Variants in ATF7IP observed in about 807,000 individuals in gnomAD.
ATF7IP encodes activating transcription factor 7-interacting protein 1.
Under a neutral mutation model 106.4 loss-of-function variants are expected in ATF7IP, and 23 were observed. The observed-to-expected ratio is 0.22, with a 90% CI of 0.16 to 0.31. The LOEUF (loss-of-function observed/expected upper bound fraction) is 0.31. Ranked by LOEUF, ATF7IP falls within the 10% of genes least tolerant of loss-of-function variation. The pLI, the probability that ATF7IP is intolerant of heterozygous loss-of-function variation, is 1.00. For missense variants in ATF7IP, 1,334 were observed against 1,524.3 expected, an observed-to-expected ratio of 0.88 and a Z score of 2.08; for synonymous variants, 542 against 539.0, an observed-to-expected ratio of 1.01 and a Z score of -0.08.
chr12:14,385,327 T>TA (rs1939169825), intron 1 of ATF7IP: 1 of 1,488,934 alleles, frequency 6.7e-7, no homozygotes, highest in Non-Finnish European at 9.0e-7. Flanking sequence ...AAATGGCTGC[T>TA]AACCTAGTCT....
chr12:14,384,004 A>G (rs1163233360), intron 1 of ATF7IP, among the ~76,000 whole-genome samples: 5 of 152,192 alleles, frequency 3.3e-5, no homozygotes, highest in Admixed American at 3.3e-4. Flanking sequence ...CCTCATGGAA[A>G]ATACATAAGG....
At chr12:14,490,931 T>C (rs1306426755) in intron 13 of ATF7IP, among the ~76,000 whole-genome samples, 1 of 152,134 alleles carries the variant, frequency 6.6e-6, no homozygotes, top group Non-Finnish European at 1.5e-5. Context: ...CATAGTCAAA[T>C]GTTCAGTTTC....
chr12:14,418,563 A>C (rs16909871), intron 1 of ATF7IP, among the ~76,000 whole-genome samples: 2,723 of 152,312 alleles, frequency 0.018, 46 homozygotes, highest in Middle Eastern at 0.065. Context: ...ACAGCCATGG[A>C]AACTTGTTTG....
chr12:14,396,205 G>A (rs1939830759), intron 1 of ATF7IP, among the ~76,000 whole-genome samples: 1 of 151,996 alleles, frequency 6.6e-6, no homozygotes, highest in African/African-American at 2.4e-5. Context: ...ACGTCAGGCA[G>A]CTCTCTGCTC....
intron 1 of ATF7IP, among the ~76,000 whole-genome samples, chr12:14,371,564 A>G (rs11055953): frequency 0.56 from 85,196 of 151,250 alleles, 24,361 homozygotes; most frequent in African/African-American, 0.66. Context: ...TTTGGTAGGG[A>G]AAAGAAATGA....
At chr12:14,414,932 GTTAT>G (rs1158257423) in intron 1 of ATF7IP, among the ~76,000 whole-genome samples, 15 of 152,082 alleles carry the variant, frequency 9.9e-5, no homozygotes, top group Non-Finnish European at 1.5e-4. Flanking sequence ...TCTACTGCTG[GTTAT>G]TTATTTATTT....
Position 14,500,637 on chromosome 12 carries a change from T to C in ATF7IP, c.*2564T>C, listed in dbSNP as rs1290949321. On this transcript the variant is annotated 3_prime_UTR_variant, in exon 15 of 15. Coordinates refer to ENST00000261168, the MANE Select transcript of ATF7IP (RefSeq NM_018179.5). ...AGGCCCATGTTCAAATTGTTCTTTA[T>C]TGGGTGTTTTTATGGTCACGTGGTA... 4.6e-5 allele frequency: 7 copies of C among 152,210 alleles called. No individual in the cohort carries two copies. 9.4% of individuals were successfully genotyped at this position (152,210 alleles called of 1,614,324 possible).
chr12:14,373,703 G>A (rs914726873), intron 1 of ATF7IP, among the ~76,000 whole-genome samples: 3 of 152,006 alleles, frequency 2.0e-5, no homozygotes, highest in African/African-American at 7.2e-5. Context: ...TTCATAATTT[G>A]GTACTGAAAA....
intron 13 of ATF7IP, among the ~76,000 whole-genome samples, chr12:14,487,971 ACT>A (rs1185045581): frequency 1.3e-5 from 2 of 152,082 alleles, no homozygotes; most frequent in Admixed American, 6.6e-5. Context: ...ATTTTGCATA[ACT>A]CTCTAAACAG....
chr12:14,381,354 C>T (rs556022728), intron 1 of ATF7IP, among the ~76,000 whole-genome samples: 1 of 152,186 alleles, frequency 6.6e-6, no homozygotes, highest in Non-Finnish European at 1.5e-5. Flanking sequence ...GCCTGAGCCT[C>T]CCTGAGTAGC....
intron 1 of ATF7IP, among the ~76,000 whole-genome samples, chr12:14,383,463 C>T (rs1421278929): frequency 6.6e-6 from 1 of 152,136 alleles, no homozygotes; most frequent in Non-Finnish European, 1.5e-5. Context: ...TACCATCTTT[C>T]CCCACCCCCC....
intron 1 of ATF7IP, among the ~76,000 whole-genome samples, chr12:14,407,050 T>A (rs1347192979): frequency 6.6e-6 from 1 of 152,252 alleles, no homozygotes; most frequent in Non-Finnish European, 1.5e-5. Flanking sequence ...CTATATGTTT[T>A]AAAGGCATTG....
intron 10 of ATF7IP, among the ~76,000 whole-genome samples, chr12:14,474,161 C>T (rs543123451): frequency 4.0e-5 from 6 of 151,724 alleles, no homozygotes; most frequent in African/African-American, 1.4e-4. Context: ...AAGTTTCAGG[C>T]GTTTTTCATA....
At chr12:14,427,828 C>G (rs1013225578) in intron 2 of ATF7IP, among the ~76,000 whole-genome samples, 1 of 152,072 alleles carries the variant, frequency 6.6e-6, no homozygotes, top group South Asian at 2.1e-4. Context: ...GTTATTACTC[C>G]TGCTGCGAGT....
intron 2 of ATF7IP, among the ~76,000 whole-genome samples, chr12:14,431,014 C>A (rs910573461): frequency 6.6e-6 from 1 of 152,202 alleles, no homozygotes; most frequent in Non-Finnish European, 1.5e-5. Flanking sequence ...TTTTGTCCTC[C>A]ATTTTTCCTT....
In ATF7IP at chr12:14,459,415, G is replaced by A. The variant is rs558889458; in HGVS notation, c.2159-1080G>A. On this transcript the variant is annotated intron_variant, in intron 8 of 14. Transcript: ENST00000261168. ...TATAATAAAGTTAATAGTTTTTACC[G>A]CTGTATCATGGGGATTCTTAAGTAA... 2.6e-4 allele frequency among the ~76,000 whole-genome samples: 39 copies of A among 152,250 alleles called. No individual in the cohort carries two copies. The East Asian group carries it at 5.4e-3, about 21-fold the overall frequency.
chr12:14,370,990 A>C (rs1241992327), intron 1 of ATF7IP, among the ~76,000 whole-genome samples: 1 of 151,844 alleles, frequency 6.6e-6, no homozygotes, highest in Non-Finnish European at 1.5e-5. Flanking sequence ...TAAAGATAAA[A>C]AATTTTTATT....
At chr12:14,433,023 A>G (rs979297550) in intron 2 of ATF7IP, among the ~76,000 whole-genome samples, 3 of 152,110 alleles carry the variant, frequency 2.0e-5, no homozygotes, top group East Asian at 1.9e-4. Context: ...ATTTTTAGCA[A>G]TATCTTTTGG....
Position 14,425,268 on chromosome 12 carries a change from C to G in ATF7IP, c.1353C>G (p.Cys451Trp). 1.3e-6 allele frequency: 2 copies of G among 1,596,990 alleles called. No homozygotes were observed. The highest frequency in any genetic ancestry group is 1.7e-6 in the Non-Finnish European group (2 of 1,174,086). The change falls in exon 2 of 15, where the codon TGC becomes TGG. Residue 451 changes from cysteine to tryptophan, a missense_variant. By Grantham distance (215) the Cys-to-Trp change is radical (BLOSUM62 -2). This residue lies in a region of ATF7IP where 41 missense variants were observed against 60.4 expected (regional missense o/e 0.68). Coordinates refer to ENST00000261168, the MANE Select transcript of ATF7IP (RefSeq NM_018179.5). ...CACCTTCTGAGGATGAACTTACTTGCTTTTCTAAAACATCTCTCCTTCCAA... is the reference window on the plus strand; with the variant it reads ...CACCTTCTGAGGATGAACTTACTTGGTTTTCTAAAACATCTCTCCTTCCAA... ...KLAPSEDELT[C>W]FSKTSLLPID...
Sources: gnomAD v4.1 joint callset for allele counts (sites outside exome capture counted in the v4.1 genomes callset) on GRCh38, gnomAD v4.1.1 for gene constraint, gnomAD v4.1.1 regional missense constraint, MANE v1.5 for transcripts, NCBI Gene and HGNC (gene_info 2026-07-23, HGNC 2026-07-21) for gene names.